MOB3B: variants seen among roughly 807,000 people sequenced by gnomAD.
The protein encoded by MOB3B is MOB kinase activator 3B, also known as MOB kinase activator-like 2B.
A neutral mutation model predicts 18.7 loss-of-function variants in MOB3B; 7 were observed. The observed-to-expected ratio is 0.37, with a 90% confidence interval of 0.21 to 0.70. The LOEUF (loss-of-function observed/expected upper bound fraction) is 0.70. Among genes scored for constraint, MOB3B ranks in the 30% least tolerant of loss-of-function variants. The pLI is 0.52. For missense variants in MOB3B, 253 were observed against 281.3 expected (o/e 0.90, Z 0.72); for synonymous variants, 111 against 99.9 (o/e 1.11, Z -0.66).
chr9:27,448,265 T>G (rs1303631037), intron 2 of MOB3B, among the ~76,000 whole-genome samples: 5 of 152,214 alleles, frequency 3.3e-5, no homozygotes, highest in African/African-American at 4.8e-5. Context: ...GAAATGGAAA[T>G]TATACTACCT....
At chr9:27,528,024 C>G (rs542738436) in intron 1 of MOB3B, among the ~76,000 whole-genome samples, 1 of 152,240 alleles carries the variant, frequency 6.6e-6, no homozygotes, top group Admixed American at 6.5e-5. Context: ...CTAGCCGTAT[C>G]TGTGTTGCGT....
chr9:27,416,507 G>A (rs937032203), intron 2 of MOB3B, among the ~76,000 whole-genome samples: 2 of 149,702 alleles, frequency 1.3e-5, no homozygotes, highest in African/African-American at 4.9e-5. Flanking sequence ...GATATCATTT[G>A]GAGGTTCTGT....
chr9:27,426,693 C>T (rs1240342193), intron 2 of MOB3B, among the ~76,000 whole-genome samples: 1 of 152,192 alleles, frequency 6.6e-6, no homozygotes, highest in South Asian at 2.1e-4. Flanking sequence ...CCCCCCTGCC[C>T]GACTCAGAAT....
At chr9:27,418,102 A>AAAAAAAAAAAAAAAAC in intron 2 of MOB3B, among the ~76,000 whole-genome samples, 1 of 149,746 alleles carries the variant, frequency 6.7e-6, no homozygotes, top group Non-Finnish European at 1.5e-5. Flanking sequence ...AAAAAAAAAA[A>AAAAAAAAAAAAAAAAC]AAAAAAAAAA....
chr9:27,384,378 T>A (rs1171127434), intron 2 of MOB3B, among the ~76,000 whole-genome samples: 2 of 152,100 alleles, frequency 1.3e-5, no homozygotes, highest in Admixed American at 1.3e-4. Flanking sequence ...CTGATGGCAT[T>A]TGGTATTGGT....
At chr9:27,449,353 G>A (rs183588122) in intron 2 of MOB3B, among the ~76,000 whole-genome samples, 2 of 152,324 alleles carry the variant, frequency 1.3e-5, no homozygotes, top group Admixed American at 6.5e-5. Flanking sequence ...TATACTGAGA[G>A]AGAGATAACT....
intron 3 of MOB3B, among the ~76,000 whole-genome samples, chr9:27,349,045 C>G (rs868024453): frequency 8.1e-6 from 1 of 123,804 alleles, no homozygotes; most frequent in African/African-American, 5.3e-5. Flanking sequence ...ATCTGCATAT[C>G]TCTTTCTTCT....
At chr9:27,343,236 T>C (rs150062553) in intron 3 of MOB3B, among the ~76,000 whole-genome samples, 5,150 of 148,488 alleles carry the variant, frequency 0.035, 165 homozygotes, top group African/African-American at 0.087. Flanking sequence ...GGATTAAGGG[T>C]GGTGCAAGAT....
intron 2 of MOB3B, among the ~76,000 whole-genome samples, chr9:27,405,858 G>T (rs953039444): frequency 6.6e-6 from 1 of 152,228 alleles, no homozygotes; most frequent in African/African-American, 2.4e-5. Context: ...CCAGAAAAGC[G>T]TTCAATGAAA....
chr9:27,453,949 G>C (rs2131447638), intron 2 of MOB3B, among the ~76,000 whole-genome samples: 1 of 152,210 alleles, frequency 6.6e-6, no homozygotes, highest in African/African-American at 2.4e-5. Flanking sequence ...CCTATGCTGT[G>C]AACTGGGGGA....
At chr9:27,378,719 T>C (rs1161033931) in intron 2 of MOB3B, 2 of 469,374 alleles carry the variant, frequency 4.3e-6, no homozygotes, top group South Asian at 1.6e-5. Flanking sequence ...TGCATGTGCA[T>C]GGGCAGAGCT....
chr9:27,346,272 T>C (rs1821030148), intron 3 of MOB3B, among the ~76,000 whole-genome samples: 1 of 152,158 alleles, frequency 6.6e-6, no homozygotes, highest in Non-Finnish European at 1.5e-5. Context: ...GAGCAGTGCA[T>C]TTCTGTTGTT....
intron 2 of MOB3B, chr9:27,397,571 A>T (rs761778870): frequency 1.6e-4 from 24 of 152,274 alleles, no homozygotes; most frequent in Non-Finnish European, 2.5e-4. Flanking sequence ...GTGAAATTTG[A>T]CTACATCTTT....
intron 2 of MOB3B, among the ~76,000 whole-genome samples, chr9:27,445,990 T>G (rs1225149853): frequency 6.6e-6 from 1 of 152,174 alleles, no homozygotes; most frequent in African/African-American, 2.4e-5. Flanking sequence ...CTATTGCTGC[T>G]TTTGAATAAT....
In MOB3B at chr9:27,491,944, T is replaced by C. The variant is rs139185008; in HGVS notation, c.-198-36196A>G. ...AAGCACCTTTATTTGATATCACTAC[T>C]TTTATAGGCATATCTCTTTTAAAGT... On this transcript the variant is annotated intron_variant, in intron 1 of 3. Coordinates refer to ENST00000262244, the MANE Select transcript of MOB3B (RefSeq NM_024761.5). 9.1e-3 allele frequency among the ~76,000 whole-genome samples: 1,386 copies of C among 152,344 alleles called. 17 individuals carry two copies. The highest frequency in any genetic ancestry group is 0.013 in the Non-Finnish European group (904 of 68,022).
chr9:27,401,013 C>T (rs1193461809), intron 2 of MOB3B, among the ~76,000 whole-genome samples: 1 of 152,130 alleles, frequency 6.6e-6, no homozygotes, highest in Non-Finnish European at 1.5e-5. Context: ...ATGACAAGGA[C>T]CAGAAACCAG....
chr9:27,440,354 A>G (rs1813034318), intron 2 of MOB3B, among the ~76,000 whole-genome samples: 1 of 151,996 alleles, frequency 6.6e-6, no homozygotes, highest in Non-Finnish European at 1.5e-5. Context: ...AATTCTGAGA[A>G]CAAATACTTT....
At chr9:27,522,006 G>A (rs1021021922) in intron 1 of MOB3B, among the ~76,000 whole-genome samples, 2 of 151,828 alleles carry the variant, frequency 1.3e-5, no homozygotes, top group African/African-American at 4.8e-5. Flanking sequence ...ACTTTGGGAG[G>A]CCGAGGCGGT....
At chr9:27,525,421 C>T (rs1820421724) in intron 1 of MOB3B, among the ~76,000 whole-genome samples, 1 of 152,156 alleles carries the variant, frequency 6.6e-6, no homozygotes, top group Admixed American at 6.5e-5. Context: ...TCCCTAGAGT[C>T]AATACTCTTG....
Sources: gnomAD v4.1 joint callset for allele counts (sites outside exome capture counted in the v4.1 genomes callset) on GRCh38, gnomAD v4.1.1 for gene constraint, MANE v1.5 for transcripts, NCBI Gene and HGNC (gene_info 2026-07-23, HGNC 2026-07-21) for gene names.